Variants in HPD observed in about 807,000 individuals in gnomAD.
The protein encoded by HPD is 4-hydroxyphenylpyruvate dioxygenase.
Under a neutral mutation model 56.9 loss-of-function variants are expected in HPD, and 35 were observed. That is an observed-to-expected ratio of 0.62 (90% CI 0.47 to 0.82). The LOEUF is 0.82. Ranked by LOEUF, HPD falls within the 40% of genes least tolerant of loss-of-function variation. The pLI, the probability that HPD is intolerant of heterozygous loss-of-function variation, is 0.00. For missense variants in HPD, 442 were observed against 506.8 expected (o/e 0.87, Z 1.23); for synonymous variants, 186 against 200.2 (o/e 0.93, Z 0.60).
chr12:121,861,997 G>A (rs184824840), upstream of HPD, among the ~76,000 whole-genome samples: 6 of 152,204 alleles, frequency 3.9e-5, no homozygotes, highest in Admixed American at 2.0e-4. Flanking sequence ...GTGACAGAGT[G>A]AGACCCTGTC....
At chr12:121,886,485 C>G in the HPD span, among the ~76,000 whole-genome samples, 1 of 150,638 alleles carries the variant, frequency 6.6e-6, no homozygotes, top group African/African-American at 2.5e-5. Context: ...CCCTGGCCTC[C>G]CAAAATGCTA....
rs1877334942 is a variant in HPD at position 121,839,590 on chromosome 12, G to A, written c.*138C>T. On this transcript the variant is annotated 3_prime_UTR_variant, in exon 14 of 14. Coordinates refer to ENST00000289004, the MANE Select transcript of HPD (RefSeq NM_002150.3). ...GAGGGCGGCCCCGCCGAGGGGCGTG[G>A]TCAGTGTGGGCGGAGCCTTGGGGGC... is the stretch of plus-strand genomic sequence containing the variant. 2.9e-6 allele frequency: 2 copies of A among 698,188 alleles called. No homozygotes were observed. 43.2% of individuals were successfully genotyped at this position (698,188 alleles called of 1,614,324 possible).
At chr12:121,884,997 T>C in the HPD span, among the ~76,000 whole-genome samples, 2 of 152,022 alleles carry the variant, frequency 1.3e-5, no homozygotes, top group Admixed American at 6.6e-5. Context: ...CAAGCGATTC[T>C]CTCCTGCCTC....
At chr12:121,863,677 G>A (rs1399716014), upstream of HPD, 1 of 152,120 alleles carries the variant, frequency 6.6e-6, no homozygotes, top group Non-Finnish European at 1.5e-5. Flanking sequence ...CACTTTAAGA[G>A]GCTGAGATGG....
intron 1 of HPD, 24 bp downstream of exon 1, chr12:121,858,797 A>AG (rs1878098763): frequency 6.2e-7 from 1 of 1,613,986 alleles, no homozygotes; most frequent in Admixed American, 1.7e-5. Context: ...GTCCCACCCA[A>AG]GGGGAGATGG....
the HPD span, among the ~76,000 whole-genome samples, chr12:121,880,319 C>T: frequency 9.9e-5 from 15 of 151,944 alleles, no homozygotes; most frequent in Admixed American, 4.6e-4. Context: ...TCTCCTGCCT[C>T]CGCTTCCCTG....
intron 11 of HPD, among the ~76,000 whole-genome samples, chr12:121,844,918 A>T: frequency 6.6e-6 from 1 of 151,290 alleles, no homozygotes; most frequent in Non-Finnish European, 1.5e-5. Context: ...AAAAATAAAA[A>T]TAAAATACAA....
intron 6 of HPD, 94 bp downstream of exon 6, chr12:121,856,230 C>T (rs1484624292): frequency 8.5e-6 from 8 of 944,136 alleles, no homozygotes; most frequent in Non-Finnish European, 1.4e-5. Flanking sequence ...GGGCTTGTCA[C>T]TGTGATGCAG....
the HPD span, among the ~76,000 whole-genome samples, chr12:121,871,361 T>C: frequency 1.7e-5 from 2 of 119,396 alleles, no homozygotes; most frequent in Non-Finnish European, 1.8e-5. Flanking sequence ...TGAGACCCTG[T>C]CTCAATTAAA....
intron 4 of HPD, 64 bp from the exon 5 acceptor site, chr12:121,856,689 C>T (rs1341880913): frequency 1.1e-5 from 16 of 1,499,036 alleles, no homozygotes; most frequent in South Asian, 2.3e-5. Flanking sequence ...GTGCACCCAT[C>T]GGCCCCTCCC....
At chr12:121,857,085 G>GTT (rs962185885) in intron 4 of HPD, 23 of 505,564 alleles carry the variant, frequency 4.5e-5, no homozygotes, top group Admixed American at 6.6e-5. Context: ...GTTGTTTTTT[G>GTT]TTTTTTTTTG....
the HPD span, among the ~76,000 whole-genome samples, chr12:121,884,826 CAG>C: frequency 2.0e-5 from 3 of 152,010 alleles, no homozygotes; most frequent in East Asian, 1.9e-4. Flanking sequence ...AAATAATTTA[CAG>C]AGTCACCAAT....
intron 11 of HPD, 82 bp from the exon 12 acceptor site, chr12:121,843,914 A>G: frequency 6.4e-7 from 1 of 1,558,070 alleles, no homozygotes; most frequent in Non-Finnish European, 8.8e-7. Context: ...GGTCATCAGG[A>G]TACAGGGTCC....
chr12:121,856,315 C>G lies in HPD; in HGVS notation c.324+9G>C. On this transcript the variant is annotated intron_variant, in intron 6 of 13. Transcript: ENST00000289004. ...CTTCCTCTCTCAGTCCACCCAGGTG[C>G]TTTCTTACCTGCACGATGTAGTCAC... is the stretch of plus-strand genomic sequence containing the variant. The G allele has an allele frequency of 1.2e-6, 2 of 1,611,924 alleles. No homozygotes were observed. The highest frequency in any genetic ancestry group is 1.7e-6 in the Non-Finnish European group (2 of 1,177,954).
At chr12:121,843,678 C>G (rs559264865) in intron 12 of HPD, 32 bp downstream of exon 12, 10 of 1,613,534 alleles carry the variant, frequency 6.2e-6, no homozygotes, top group Admixed American at 3.3e-5. Flanking sequence ...CATACTCCCC[C>G]CACAAGGCTG....
chr12:121,864,794 A>T (rs1017824591), upstream of HPD, among the ~76,000 whole-genome samples: 1 of 151,978 alleles, frequency 6.6e-6, no homozygotes, highest in African/African-American at 2.4e-5. Flanking sequence ...CGGAGCTTGC[A>T]GTGAGCCAGG....
the HPD span, among the ~76,000 whole-genome samples, chr12:121,883,998 G>GCAA: frequency 1.3e-3 from 197 of 151,926 alleles, 5 homozygotes; most frequent in East Asian, 0.036. Context: ...TCACATAATT[G>GCAA]CAACATCATT....
intron 7 of HPD, among the ~76,000 whole-genome samples, chr12:121,850,300 G>A (rs1877723394): frequency 6.6e-6 from 1 of 151,430 alleles, no homozygotes; most frequent in African/African-American, 2.4e-5. Flanking sequence ...CGTGGCGGGT[G>A]CCCGTAGTCC....
chr12:121,856,150 C>G, intron 6 of HPD, 174 bp downstream of exon 6: 2 of 687,640 alleles, frequency 2.9e-6, no homozygotes, highest in South Asian at 3.1e-5. Flanking sequence ...CTGGGCTTGT[C>G]ACTGTGATGC....
Sources: gnomAD v4.1 joint callset for allele counts (sites outside exome capture counted in the v4.1 genomes callset) on GRCh38, gnomAD v4.1.1 for gene constraint, MANE v1.5 for transcripts, NCBI Gene and HGNC (gene_info 2026-07-23, HGNC 2026-07-21) for gene names.